BPTF: variants seen among roughly 807,000 people sequenced by gnomAD.
The protein encoded by BPTF is bromodomain PHD finger transcription factor.
BPTF carries 18 observed loss-of-function variants against 292.5 expected under a neutral mutation model. That is an observed-to-expected ratio of 0.06 (90% confidence interval 0.04 to 0.09). The LOEUF (loss-of-function observed/expected upper bound fraction) is 0.09. Ranked by LOEUF, BPTF falls within the 10% of genes least tolerant of loss-of-function variation. The probability of loss-of-function intolerance (pLI) is 1.00; values close to 1 mark genes in which losing one functional copy is unlikely to be tolerated. For missense variants in BPTF, 2,726 were observed against 3,498.7 expected (o/e 0.78, Z 5.57); for synonymous variants, 1,225 against 1,251.9 (o/e 0.98, Z 0.45).
At chr17:67,886,788 G>T (rs530097058) in intron 4 of BPTF, among the ~76,000 whole-genome samples, 44 of 152,272 alleles carry the variant, frequency 2.9e-4, no homozygotes, top group Non-Finnish European at 5.4e-4. Flanking sequence ...TACATGGAGA[G>T]AATCTTTTTG....
chr17:67,934,438 A>C (rs2064724648), intron 18 of BPTF, among the ~76,000 whole-genome samples: 1 of 151,866 alleles, frequency 6.6e-6, no homozygotes, highest in Admixed American at 6.6e-5. Flanking sequence ...GAATCACTGC[A>C]ACCTTGGGAG....
intron 4 of BPTF, among the ~76,000 whole-genome samples, chr17:67,889,543 C>T (rs2060968897): frequency 6.6e-6 from 1 of 152,176 alleles, no homozygotes; most frequent in Non-Finnish European, 1.5e-5. Context: ...CGCAGTGGCT[C>T]ACGCCTGTAA....
rs2055927621 is a variant in BPTF at position 67,825,714 on chromosome 17, T to A, written c.-11T>A. ...CCTTCGCTTTCCTTCTCCCCCCGCCTCGGCTCCGACATGAGGGGCCGGCGG... is the reference window on the plus strand; with the variant it reads ...CCTTCGCTTTCCTTCTCCCCCCGCCACGGCTCCGACATGAGGGGCCGGCGG... On this transcript the variant is annotated 5_prime_UTR_variant, in exon 1 of 28. Transcript: ENST00000306378. 3 of 885,616 alleles carry A rather than the reference T, an allele frequency of 3.4e-6. No individual in the cohort carries two copies. Among genetic ancestry groups the A allele is most frequent in the Non-Finnish European group, 3.9e-6 (3 of 761,492 alleles). 54.9% of individuals were successfully genotyped at this position (885,616 alleles called of 1,614,324 possible). A position where few individuals can be genotyped will look rare whatever the true frequency, so the allele number is the denominator to read the frequency against.
chr17:67,906,240 C>T (rs2062183640), intron 9 of BPTF, among the ~76,000 whole-genome samples: 1 of 151,956 alleles, frequency 6.6e-6, no homozygotes, highest in Non-Finnish European at 1.5e-5. Context: ...ACCACCATGC[C>T]CAGCTAATTT....
In BPTF at chr17:67,909,713, G is replaced by T; in HGVS notation, c.2944G>T (p.Asp982Tyr). The change falls in exon 10 of 28, where the codon GAC becomes TAC. Residue 982 changes from aspartate to tyrosine, a missense_variant. This residue lies in a region of BPTF where 713 missense variants were observed against 714.9 expected (regional missense o/e 1.00). Coordinates refer to ENST00000306378, the MANE Select transcript of BPTF (RefSeq NM_182641.4). Reference protein sequence around the residue: ...VKGSDAAKGADQNEMDISKIT... With the variant: ...VKGSDAAKGAYQNEMDISKIT... The stretch of plus-strand genomic sequence containing the variant: ...AGGTTCAGATGCTGCAAAAGGAGCA[G>T]ACCAAAATGAAATGGATATCTCAAA... The T allele has an allele frequency of 1.3e-6, 2 of 1,591,928 alleles. No homozygotes were observed. Among genetic ancestry groups the T allele is most frequent in the South Asian group, 2.4e-5 (2 of 84,664 alleles).
intron 4 of BPTF, chr17:67,891,578 C>T: frequency 3.6e-6 from 1 of 278,894 alleles, no homozygotes; most frequent in Non-Finnish European, 6.6e-6. Flanking sequence ...TTCCTGTTTT[C>T]AAACAGATGA....
chr17:67,853,354 C>T (rs2144958132), intron 1 of BPTF, among the ~76,000 whole-genome samples: 1 of 152,296 alleles, frequency 6.6e-6, no homozygotes, highest in South Asian at 2.1e-4. Context: ...TTCTCCTCCT[C>T]TGCACTTCCT....
intron 23 of BPTF, chr17:67,956,379 G>A (rs1199260687): frequency 6.6e-6 from 1 of 151,620 alleles, no homozygotes; most frequent in Non-Finnish European, 1.5e-5. Flanking sequence ...GCACAGTGGT[G>A]CCATCATAGC....
intron 12 of BPTF, among the ~76,000 whole-genome samples, chr17:67,919,232 T>A (rs1428922694): frequency 1.3e-5 from 2 of 149,646 alleles, no homozygotes; most frequent in Non-Finnish European, 3.0e-5. Flanking sequence ...ATATAATGCT[T>A]GTTTTTTAGA....
chr17:67,951,661 C>T (rs1344776581), intron 23 of BPTF: 1 of 152,146 alleles, frequency 6.6e-6, no homozygotes, highest in African/African-American at 2.4e-5. Flanking sequence ...CATTTTTAAA[C>T]AACTTTAGAA....
chr17:67,926,962 A>C (rs1172198321), intron 15 of BPTF, among the ~76,000 whole-genome samples: 1 of 152,046 alleles, frequency 6.6e-6, no homozygotes, highest in Non-Finnish European at 1.5e-5. Flanking sequence ...GATGTCTCTA[A>C]GAGTTGAAAA....
At chr17:67,944,667 G>T (rs1169832330) in intron 20 of BPTF, 1 of 414,158 alleles carries the variant, frequency 2.4e-6, no homozygotes, top group Non-Finnish European at 4.5e-6. Flanking sequence ...AAGCCTTGTA[G>T]GTGCTGATTC....
At chr17:67,831,213 T>C (rs772293700) in intron 1 of BPTF, among the ~76,000 whole-genome samples, 71 of 152,264 alleles carry the variant, frequency 4.7e-4, no homozygotes, top group Middle Eastern at 3.4e-3. Context: ...TTAGAGTTCT[T>C]CAGGCCTTGA....
chr17:67,981,513 C>T (rs1478958952), intron 27 of BPTF: 2 of 1,145,134 alleles, frequency 1.7e-6, no homozygotes, highest in South Asian at 3.6e-5. Flanking sequence ...TATTGTACCT[C>T]GTGATTACCT....
chr17:67,922,563 A>G (rs1598678389), intron 13 of BPTF, among the ~76,000 whole-genome samples: 1 of 152,170 alleles, frequency 6.6e-6, no homozygotes, highest in South Asian at 2.1e-4. Flanking sequence ...ATAAAGGCTC[A>G]TAAGCCTTGT....
In BPTF at chr17:67,965,384, A is replaced by G. The variant is rs782733757; in HGVS notation, c.8454+980A>G. On this transcript the variant is annotated intron_variant, in intron 25 of 27. Coordinates refer to ENST00000306378, the MANE Select transcript of BPTF (RefSeq NM_182641.4). ...CGGGATCGAGATGGTTTGCAGGATT[A>G]GCAAGTGATAGAGATATATTGAAGA... is the stretch of plus-strand genomic sequence containing the variant. 149 of 150,836 alleles carry G rather than the reference A, an allele frequency of 9.9e-4. 1 individual carries two copies. The highest frequency in any genetic ancestry group is 1.1e-3 in the Non-Finnish European group (72 of 67,804). The allele number at this position is 150,836 out of a possible 1,614,324, so 9.3% of individuals were successfully genotyped here.
chr17:67,897,467 G>C (rs2061530831), intron 7 of BPTF, among the ~76,000 whole-genome samples: 1 of 151,710 alleles, frequency 6.6e-6, no homozygotes, highest in Admixed American at 6.6e-5. Context: ...CAGTATTCAG[G>C]TTTCCTACAT....
intron 4 of BPTF, among the ~76,000 whole-genome samples, chr17:67,884,411 T>C (rs988420939): frequency 2.9e-5 from 4 of 136,854 alleles, no homozygotes; most frequent in African/African-American, 9.2e-5. Context: ...CCACTACCCC[T>C]GGCCCCTCCC....
intron 3 of BPTF, 131 bp downstream of exon 3, chr17:67,866,818 A>T: frequency 1.5e-6 from 1 of 671,694 alleles, no homozygotes; most frequent in South Asian, 1.9e-5. Context: ...ATGGGGATAC[A>T]TTCTGAAAAA....
Sources: gnomAD v4.1 joint callset for allele counts (sites outside exome capture counted in the v4.1 genomes callset) on GRCh38, gnomAD v4.1.1 for gene constraint, gnomAD v4.1.1 regional missense constraint, MANE v1.5 for transcripts, NCBI Gene and HGNC (gene_info 2026-07-23, HGNC 2026-07-21) for gene names.